The following TDRD3 variants were observed in gnomAD, a reference collection of about 807,000 sequenced individuals.
TDRD3 encodes tudor domain-containing protein 3.
TDRD3 carries 45 observed loss-of-function variants against 86.7 expected under a neutral mutation model. The ratio of observed to expected loss-of-function variants is 0.52; its 90% CI spans 0.41 to 0.67. TDRD3 has a LOEUF of 0.67. Ranked by LOEUF, TDRD3 falls within the 30% of genes least tolerant of loss-of-function variation. The pLI, the probability that TDRD3 is intolerant of heterozygous loss-of-function variation, is 0.00. For synonymous variants in TDRD3, 298 were observed against 301.7 expected (o/e 0.99, Z 0.13); for missense variants, 814 against 889.0 (o/e 0.92, Z 1.07).
At chr13:60,448,655 G>A (rs1158329645) in intron 3 of TDRD3, among the ~76,000 whole-genome samples, 1 of 152,190 alleles carries the variant, frequency 6.6e-6, no homozygotes, top group East Asian at 1.9e-4. Context: ...GTGTGGTAGG[G>A]AAGCCATATT....
chr13:60,458,882 A>G (rs538949355), intron 3 of TDRD3, among the ~76,000 whole-genome samples: 57 of 152,382 alleles, frequency 3.7e-4, no homozygotes, highest in African/African-American at 1.2e-3. Flanking sequence ...ATTATGAGCT[A>G]TAATAACCAT....
At position 60,519,393 on chromosome 13, in the gene TDRD3, T is replaced by A. The variant is rs372970688; in HGVS notation, c.1141+8638T>A. Among the ~76,000 whole-genome samples, 10 of 152,326 alleles carry A rather than the reference T, an allele frequency of 6.6e-5. No homozygotes were observed. In the South Asian group the frequency reaches 1.0e-3, roughly 16 times the overall value. On this transcript the variant is annotated intron_variant, in intron 10 of 13. Transcript: ENST00000377881. ...TTAAAGCAAAAATAACATAAGGTTA[T>A]TTCTAAATGGTTTTTGACCCACAAG...
intron 2 of TDRD3, among the ~76,000 whole-genome samples, chr13:60,444,066 A>G (rs979720322): frequency 6.6e-6 from 1 of 151,680 alleles, no homozygotes; most frequent in African/African-American, 2.4e-5. Flanking sequence ...TAGTCCTTAT[A>G]TTTTCCTTGT....
intron 5 of TDRD3, among the ~76,000 whole-genome samples, chr13:60,474,511 G>A (rs2137444489): frequency 6.6e-6 from 1 of 152,258 alleles, no homozygotes; most frequent in African/African-American, 2.4e-5. Context: ...CTGTGTTTTT[G>A]TTTTTAAGTG....
chr13:60,512,736 G>A (rs151296090), intron 10 of TDRD3, among the ~76,000 whole-genome samples: 1,702 of 152,268 alleles, frequency 0.011, 14 homozygotes, highest in Non-Finnish European at 0.015. Context: ...TAGGTTATAC[G>A]GATGAAAGAG....
intron 7 of TDRD3, among the ~76,000 whole-genome samples, chr13:60,487,150 A>T (rs1566234914): frequency 6.6e-6 from 1 of 152,216 alleles, no homozygotes; most frequent in Non-Finnish European, 1.5e-5. Context: ...GCAGCTATTT[A>T]TATAACATTT....
rs1390104758 is a variant in TDRD3, at chr13:60,427,598, A to G, written c.42-12090A>G. On this transcript the variant is annotated intron_variant, in intron 1 of 13. Transcript: ENST00000377881. ...CGTCTTTCCTTTGACTGATCTCTCC[A>G]CACTGTTCAGTGCTCCTGGTTTACC... Among the ~76,000 whole-genome samples the G allele has an allele frequency of 2.0e-5, 3 of 152,124 alleles. No individual in the cohort carries two copies. In the East Asian group the frequency reaches 5.8e-4, roughly 29 times the overall value.
intron 8 of TDRD3, among the ~76,000 whole-genome samples, chr13:60,497,945 G>C (rs1200555778): frequency 6.6e-6 from 1 of 152,094 alleles, no homozygotes; most frequent in Non-Finnish European, 1.5e-5. Context: ...ATTCAGGCCT[G>C]CTAAGTAGGC....
chr13:60,411,347 C>T (rs897781528), intron 1 of TDRD3, among the ~76,000 whole-genome samples: 1 of 152,150 alleles, frequency 6.6e-6, no homozygotes, highest in African/African-American at 2.4e-5. Flanking sequence ...TAATACATGA[C>T]AGAAATTATG....
At chr13:60,478,209 G>T (rs951920226) in intron 5 of TDRD3, among the ~76,000 whole-genome samples, 1 of 150,638 alleles carries the variant, frequency 6.6e-6, no homozygotes, top group Non-Finnish European at 1.5e-5. Flanking sequence ...TGTGGGATTG[G>T]TTGTAATACC....
At chr13:60,428,152 C>T (rs921860455) in intron 1 of TDRD3, among the ~76,000 whole-genome samples, 2 of 151,362 alleles carry the variant, frequency 1.3e-5, no homozygotes, top group Non-Finnish European at 2.9e-5. Context: ...TCACTTTACT[C>T]TGTGTGTTTA....
intron 1 of TDRD3, among the ~76,000 whole-genome samples, chr13:60,398,454 A>T (rs1025366174): frequency 6.6e-6 from 1 of 152,220 alleles, no homozygotes; most frequent in African/African-American, 2.4e-5. Context: ...GAGATGACAC[A>T]GGGAAGCGCT....
rs1189240979 is a variant in TDRD3 at position 60,397,289 on chromosome 13, G to GT, written c.-76_-75insT. 5.7e-5 allele frequency: 44 copies of GT among 770,794 alleles called. 2 individuals carry two copies. In the Admixed American group the frequency reaches 9.4e-4, roughly 17 times the overall value. The allele number at this position is 770,794 out of a possible 1,614,324, so 47.7% of individuals were successfully genotyped here. ...TTTCTTTTCTTTTTTTTTTTTTAAG[G>GT]GGGGGGGTCTCAAGTAGGAGGCCTC... On this transcript the variant is annotated 5_prime_UTR_variant, in exon 1 of 14. An upstream open reading frame in the 5' UTR gains an earlier in-frame stop. Coordinates refer to ENST00000377881, the MANE Select transcript of TDRD3 (RefSeq NM_001146070.2).
At chr13:60,532,252 T>C (rs1957599172) in intron 11 of TDRD3, among the ~76,000 whole-genome samples, 1 of 152,198 alleles carries the variant, frequency 6.6e-6, no homozygotes, top group Admixed American at 6.5e-5. Flanking sequence ...CAAAGTGTTT[T>C]GAGTGATTGG....
chr13:60,553,075 G>C (rs1307365879), intron 12 of TDRD3, among the ~76,000 whole-genome samples: 1 of 152,218 alleles, frequency 6.6e-6, no homozygotes, highest in African/African-American at 2.4e-5. Flanking sequence ...AATTTCTGCA[G>C]CTGGCTTGAA....
intron 10 of TDRD3, among the ~76,000 whole-genome samples, chr13:60,525,118 T>A (rs2137753941): frequency 7.2e-6 from 1 of 138,970 alleles, no homozygotes. Flanking sequence ...AACCCCACAA[T>A]TTTCACTTTC....
intron 12 of TDRD3, among the ~76,000 whole-genome samples, 181 bp from the exon 13 acceptor site, chr13:60,567,344 T>TTTTTCTTTTCTTTTCTTTTC (rs141427579): frequency 0.013 from 1,936 of 151,470 alleles, 19 homozygotes; most frequent in Middle Eastern, 0.048. Context: ...TATCCCTGCC[T>TTTTTCTTTTCTTTTCTTTTC]TTTTCTTTTC....
chr13:60,554,803 G>A (rs1410238929), intron 12 of TDRD3, among the ~76,000 whole-genome samples: 1 of 152,090 alleles, frequency 6.6e-6, no homozygotes, highest in East Asian at 1.9e-4. Context: ...TTCTTCCTTT[G>A]TGTAAGATGA....
intron 8 of TDRD3, among the ~76,000 whole-genome samples, chr13:60,505,731 G>A (rs1956923064): frequency 6.6e-6 from 1 of 152,140 alleles, no homozygotes; most frequent in Non-Finnish European, 1.5e-5. Context: ...ACTTTGTGAA[G>A]CATACACAAG....
Sources: allele counts gnomAD v4.1 joint callset (sites outside exome capture counted in the v4.1 genomes callset), GRCh38; gene constraint gnomAD v4.1.1; transcripts MANE v1.5; gene names NCBI Gene and HGNC (gene_info 2026-07-23, HGNC 2026-07-21).